RGS6: variants seen among roughly 807,000 people sequenced by gnomAD.
RGS6 encodes regulator of G protein signaling 6.
Under a neutral mutation model 78.5 loss-of-function variants are expected in RGS6, and 30 were observed. The ratio of observed to expected loss-of-function variants is 0.38; its 90% CI spans 0.29 to 0.52. The LOEUF (loss-of-function observed/expected upper bound fraction) is 0.52, where lower values mean the gene tolerates loss of function less well. Among genes scored for constraint, RGS6 ranks in the 20% least tolerant of loss-of-function variants. The probability of loss-of-function intolerance (pLI) is 0.85; values close to 1 mark genes in which losing one functional copy is unlikely to be tolerated. For synonymous variants in RGS6, 206 were observed against 206.0 expected (o/e 1.00, Z 0.00); for missense variants, 495 against 609.7 (o/e 0.81, Z 1.98).
intron 15 of RGS6, among the ~76,000 whole-genome samples, chr14:72,527,359 G>C (rs1172579164): frequency 6.6e-6 from 1 of 152,218 alleles, no homozygotes; most frequent in Non-Finnish European, 1.5e-5. Context: ...ACAATGAAAA[G>C]CAGCACTTCA....
At chr14:72,555,758 C>A (rs1315135717) in intron 17 of RGS6, among the ~76,000 whole-genome samples, 1 of 152,234 alleles carries the variant, frequency 6.6e-6, no homozygotes, top group East Asian at 1.9e-4. Flanking sequence ...TATAGAAATG[C>A]CTAACTGGCA....
chr14:72,287,906 CAT>C (rs2152305010), intron 2 of RGS6, among the ~76,000 whole-genome samples: 1 of 152,306 alleles, frequency 6.6e-6, no homozygotes, highest in South Asian at 2.1e-4. Context: ...AATTGATTTG[CAT>C]ATGTCAAACT....
At chr14:71,988,813 G>A (rs544467592) in intron 2 of RGS6, among the ~76,000 whole-genome samples, 2 of 152,218 alleles carry the variant, frequency 1.3e-5, no homozygotes, top group South Asian at 2.1e-4. Flanking sequence ...TCTAACTGGG[G>A]AGGGGGTATA....
chr14:72,364,541 T>C (rs921812890), intron 3 of RGS6, among the ~76,000 whole-genome samples: 6 of 152,194 alleles, frequency 3.9e-5, no homozygotes, highest in South Asian at 2.1e-4. Flanking sequence ...TACTCCAACA[T>C]TGGAGCTTCC....
At chr14:72,349,218 G>A (rs2078657025) in intron 2 of RGS6, among the ~76,000 whole-genome samples, 1 of 152,150 alleles carries the variant, frequency 6.6e-6, no homozygotes, top group African/African-American at 2.4e-5. Flanking sequence ...TTGCTCATGA[G>A]TCTATAGGCC....
chr14:71,884,972 G>T, the RGS6 span, among the ~76,000 whole-genome samples: 1 of 152,070 alleles, frequency 6.6e-6, no homozygotes, highest in African/African-American at 2.4e-5. Context: ...TGCCTCATTT[G>T]CCTCATGCTA....
chr14:72,541,407 C>A, intron 17 of RGS6: 1 of 1,493,524 alleles, frequency 6.7e-7, no homozygotes, highest in Non-Finnish European at 9.0e-7. Context: ...AATTAAACAT[C>A]GGTATCCATC....
At chr14:72,374,230 C>T (rs1200392728) in intron 3 of RGS6, among the ~76,000 whole-genome samples, 2 of 144,638 alleles carry the variant, frequency 1.4e-5, no homozygotes, top group South Asian at 2.4e-4. Flanking sequence ...CTAATGCTAT[C>T]CCTCCCCCCT....
At chr14:72,577,678 G>A in the RGS6 span, among the ~76,000 whole-genome samples, 1 of 152,188 alleles carries the variant, frequency 6.6e-6, no homozygotes. Context: ...CTACCTATCA[G>A]GCAACTCAAG....
chr14:72,559,732 C>G (rs190553672), intron 17 of RGS6, among the ~76,000 whole-genome samples: 1 of 152,136 alleles, frequency 6.6e-6, no homozygotes. Context: ...TCGGGGGAAG[C>G]GAGGAGCGGG....
At chr14:72,539,959 G>C in intron 16 of RGS6, 82 bp from the exon 17 acceptor site, 2 of 1,226,286 alleles carry the variant, frequency 1.6e-6, no homozygotes, top group Non-Finnish European at 2.2e-6. Flanking sequence ...AGCTGCAGCT[G>C]CTGCTGTTTG....
rs1301163581 is a variant in RGS6 at position 72,248,672 on chromosome 14, A to C, written c.85-103423A>C. The stretch of plus-strand genomic sequence containing the variant: ...AAAGCAATGTGCTGCAACTGAATCC[A>C]GTGGAAAAATTAATTAGCTCTATGT... On this transcript the variant is annotated intron_variant, in intron 2 of 17. Transcript: ENST00000553525. Among the ~76,000 whole-genome samples, 3 of 152,240 alleles carry C rather than the reference A, an allele frequency of 2.0e-5. No homozygotes were observed. The East Asian group carries it at 5.8e-4, about 29-fold the overall frequency.
At chr14:72,033,359 G>A (rs901976671) in intron 2 of RGS6, among the ~76,000 whole-genome samples, 4 of 151,984 alleles carry the variant, frequency 2.6e-5, no homozygotes, top group Non-Finnish European at 5.9e-5. Flanking sequence ...TCAACCTCCC[G>A]AGTAGCTGGG....
chr14:72,133,325 GA>G (rs2096368370), intron 2 of RGS6, among the ~76,000 whole-genome samples: 1 of 151,730 alleles, frequency 6.6e-6, no homozygotes, highest in Non-Finnish European at 1.5e-5. Flanking sequence ...TGGATGTCAA[GA>G]TATACTCTAG....
chr14:72,093,685 T>C (rs2095336291), intron 2 of RGS6, among the ~76,000 whole-genome samples: 2 of 152,228 alleles, frequency 1.3e-5, no homozygotes, highest in South Asian at 2.1e-4. Flanking sequence ...GAATCCCCTC[T>C]CTTGTTGATG....
chr14:71,975,180 A>G (rs2094042912), intron 2 of RGS6, among the ~76,000 whole-genome samples: 1 of 152,110 alleles, frequency 6.6e-6, no homozygotes. Context: ...TCTTTGTTTC[A>G]TCTTCATTTT....
chr14:72,543,926 G>A (rs1442547204), intron 17 of RGS6, among the ~76,000 whole-genome samples: 1 of 152,058 alleles, frequency 6.6e-6, no homozygotes, highest in Admixed American at 6.6e-5. Context: ...AGTAGAGATG[G>A]GGTTTCACCA....
At chr14:72,558,143 C>A (rs922586753) in intron 17 of RGS6, among the ~76,000 whole-genome samples, 17 of 152,166 alleles carry the variant, frequency 1.1e-4, no homozygotes, top group Non-Finnish European at 2.4e-4. Context: ...CAATTTCATC[C>A]TTCTCCCCCA....
chr14:72,310,152 C>G (rs2068216909), intron 2 of RGS6, among the ~76,000 whole-genome samples: 1 of 152,242 alleles, frequency 6.6e-6, no homozygotes, highest in Admixed American at 6.5e-5. Context: ...GCCCTGTGCA[C>G]TGCTGAGCAG....
Sources: allele counts gnomAD v4.1 joint callset (sites outside exome capture counted in the v4.1 genomes callset), GRCh38; gene constraint gnomAD v4.1.1; transcripts MANE v1.5; gene names NCBI Gene and HGNC (gene_info 2026-07-23, HGNC 2026-07-21).